Variants in DIP2C observed in about 807,000 individuals in gnomAD.
The protein encoded by DIP2C is DIP2 acetate--CoA ligase C (putative).
A neutral mutation model predicts 192.4 loss-of-function variants in DIP2C; 33 were observed. The ratio of observed to expected loss-of-function variants is 0.17; its 90% CI spans 0.13 to 0.23. The LOEUF is 0.23. DIP2C is among the 10% of genes least tolerant of loss of function. The pLI is 1.00. For missense variants in DIP2C, 1,537 were observed against 2,110.1 expected, an observed-to-expected ratio of 0.73 and a Z score of 5.32; for synonymous variants, 979 against 864.1, an observed-to-expected ratio of 1.13 and a Z score of -2.33.
intron 6 of DIP2C, among the ~76,000 whole-genome samples, chr10:418,497 A>G (rs1287507583): frequency 1.3e-5 from 2 of 152,224 alleles, no homozygotes; most frequent in Admixed American, 6.5e-5. Context: ...TAAATGGAAT[A>G]GGGGCTGAGT....
chr10:650,701 G>A, intron 1 of DIP2C: 1 of 621,152 alleles, frequency 1.6e-6, no homozygotes, highest in Non-Finnish European at 2.9e-6. Context: ...AGCCCAGATG[G>A]CTTCTGGCCA....
rs182010212 is a variant in DIP2C, at chr10:527,089, C to T, written c.86-40559G>A. 5.7e-3 allele frequency among the ~76,000 whole-genome samples: 857 copies of T among 149,778 alleles called. 10 individuals are homozygous for T. The highest frequency in any genetic ancestry group is 0.021 in the African/African-American group (806 of 39,132). On this transcript the variant is annotated intron_variant, in intron 1 of 36. Transcript: ENST00000280886. ...GAGGCTGTCTGGCTCCTCACCTCTA[C>T]CCAGCCTCCACCCATCGCATCTGGC...
chr10:312,541 A>G (rs762766940), intron 31 of DIP2C, among the ~76,000 whole-genome samples: 7 of 152,322 alleles, frequency 4.6e-5, no homozygotes, highest in Middle Eastern at 3.4e-3. Context: ...TCAGGCTCAA[A>G]TTTGGTCACA....
intron 3 of DIP2C, among the ~76,000 whole-genome samples, chr10:468,692 A>G (rs1004882165): frequency 6.6e-6 from 1 of 152,166 alleles, no homozygotes; most frequent in African/African-American, 2.4e-5. Context: ...CCCACGAGGC[A>G]GAGTTTGTGG....
intron 1 of DIP2C, among the ~76,000 whole-genome samples, chr10:525,947 C>G (rs533111909): frequency 2.0e-4 from 30 of 152,322 alleles, no homozygotes; most frequent in African/African-American, 6.7e-4. Context: ...GAGCTGCTGC[C>G]CAGAGGCCCT....
chr10:517,977 C>T (rs1419353670), intron 1 of DIP2C, among the ~76,000 whole-genome samples: 1 of 152,216 alleles, frequency 6.6e-6, no homozygotes, highest in African/African-American at 2.4e-5. Context: ...GGAAACTCAA[C>T]GTTTCATCAA....
chr10:607,486 G>T (rs540550825), intron 1 of DIP2C, among the ~76,000 whole-genome samples: 11 of 152,098 alleles, frequency 7.2e-5, no homozygotes, highest in Non-Finnish European at 1.2e-4. Context: ...ATCTTAAATG[G>T]TATCTATGAG....
At chr10:525,903 T>A (rs527892417) in intron 1 of DIP2C, among the ~76,000 whole-genome samples, 88 of 152,306 alleles carry the variant, frequency 5.8e-4, no homozygotes, top group Admixed American at 1.8e-3. Context: ...AGCAGGTCTG[T>A]GCCCAGGAAT....
chr10:340,620 T>G, intron 29 of DIP2C: 1 of 384,392 alleles, frequency 2.6e-6, no homozygotes, highest in Non-Finnish European at 5.2e-6. Context: ...TGAACATGTA[T>G]GTATAATCAG....
At chr10:418,425 G>A (rs1388357699) in intron 6 of DIP2C, among the ~76,000 whole-genome samples, 11 of 151,908 alleles carry the variant, frequency 7.2e-5, no homozygotes, top group Admixed American at 7.2e-4. Flanking sequence ...TTCACACAAG[G>A]GCATTGTATT....
Position 287,638 on chromosome 10 carries a change from G to A in DIP2C, c.4044+726C>T, listed in dbSNP as rs569631178. On this transcript the variant is annotated intron_variant, in intron 33 of 36. Transcript: ENST00000280886. Reference sequence around the variant, plus strand: ...AGATGCTCTTAGAATTATGTCAATGGAGAAGGAATCTGACAACTGGGGCCG... The same window carrying A: ...AGATGCTCTTAGAATTATGTCAATGAAGAAGGAATCTGACAACTGGGGCCG... Among the ~76,000 whole-genome samples the A allele has an allele frequency of 2.8e-5, 4 of 144,656 alleles. No homozygotes were observed. The South Asian group carries it at 6.7e-4, about 24-fold the overall frequency. The allele number at this position is 144,656 out of a possible 152,430, so 94.9% of individuals were successfully genotyped here.
At chr10:344,709 C>T (rs1425513602) in intron 28 of DIP2C, 100 bp downstream of exon 28, 5 of 953,102 alleles carry the variant, frequency 5.2e-6, no homozygotes, top group Non-Finnish European at 8.1e-6. Context: ...ACATCTCAGT[C>T]TGACTACACG....
rs575669716 is a variant in DIP2C, at chr10:374,465, C to T, written c.1992-4832G>A. Among the ~76,000 whole-genome samples the T allele has an allele frequency of 3.9e-5, 6 of 152,324 alleles. No individual in the cohort carries two copies. In the South Asian group the frequency reaches 1.2e-3, roughly 32 times the overall value. ...AGCAACCCTGTGGAGATGGGTGCAG[C>T]ACCATGACCCTCCCTGTTTAGCAGA... On this transcript the variant is annotated intron_variant, in intron 17 of 36. Transcript: ENST00000280886.
At position 681,709 on chromosome 10, in the gene DIP2C, C is replaced by T. The variant is rs569440252; in HGVS notation, c.85+7785G>A. On this transcript the variant is annotated intron_variant, in intron 1 of 36. Transcript: ENST00000280886. ...CACGGAAATTCCAGGGAATGCAGAC[C>T]CCAGTCTCTAAAGTGTTATTTGTTT... 9.8e-4 allele frequency among the ~76,000 whole-genome samples: 149 copies of T among 152,344 alleles called. 2 individuals carry two copies. The highest frequency in any genetic ancestry group is 3.2e-3 in the African/African-American group (134 of 41,580).
chr10:375,403 C>A (rs1323984890), intron 17 of DIP2C, among the ~76,000 whole-genome samples: 1 of 152,206 alleles, frequency 6.6e-6, no homozygotes. Context: ...TCTCTTACAG[C>A]CTACAGAACT....
intron 3 of DIP2C, among the ~76,000 whole-genome samples, chr10:446,512 G>T (rs956586476): frequency 6.6e-6 from 1 of 152,162 alleles, no homozygotes; most frequent in African/African-American, 2.4e-5. Context: ...TCTAAATAAG[G>T]CCCTGTGTCT....
intron 17 of DIP2C, among the ~76,000 whole-genome samples, chr10:377,004 A>C (rs960579251): frequency 9.2e-5 from 14 of 152,198 alleles, no homozygotes; most frequent in Non-Finnish European, 4.4e-5. Flanking sequence ...TTAAGTTATG[A>C]GTTGATTTAA....
At chr10:660,293 C>CA (rs1218286424) in intron 1 of DIP2C, among the ~76,000 whole-genome samples, 2 of 150,356 alleles carry the variant, frequency 1.3e-5, no homozygotes, top group African/African-American at 4.9e-5. Flanking sequence ...GTGTATGAAA[C>CA]AGAGATTCTA....
chr10:426,255 A>C (rs1006306838), intron 4 of DIP2C, among the ~76,000 whole-genome samples: 10 of 152,220 alleles, frequency 6.6e-5, no homozygotes, highest in Admixed American at 3.9e-4. Flanking sequence ...GTAACATCAA[A>C]AACATAAAAC....
Sources: gnomAD v4.1 joint callset for allele counts (sites outside exome capture counted in the v4.1 genomes callset) on GRCh38, gnomAD v4.1.1 for gene constraint, MANE v1.5 for transcripts, NCBI Gene and HGNC (gene_info 2026-07-23, HGNC 2026-07-21) for gene names.